The following NALCN variants were observed in gnomAD, a reference collection of about 807,000 sequenced individuals.
NALCN encodes the protein sodium leak channel, non-selective.
Under a neutral mutation model 225.3 loss-of-function variants are expected in NALCN, and 111 were observed. The observed-to-expected ratio is 0.49, with a 90% CI of 0.42 to 0.58. The LOEUF (loss-of-function observed/expected upper bound fraction) is 0.58, where lower values mean the gene tolerates loss of function less well. Ranked by LOEUF, NALCN falls within the 20% of genes least tolerant of loss-of-function variation. The pLI, the probability that NALCN is intolerant of heterozygous loss-of-function variation, is 0.00. For synonymous variants in NALCN, 764 were observed against 769.0 expected (o/e 0.99, Z 0.11); for missense variants, 1,378 against 2,202.4 (o/e 0.63, Z 7.49).
At chr13:101,222,784 C>T (rs971021163) in intron 13 of NALCN, among the ~76,000 whole-genome samples, 1 of 152,244 alleles carries the variant, frequency 6.6e-6, no homozygotes, top group Non-Finnish European at 1.5e-5. Context: ...TTGGAGGGAG[C>T]GGGGCTATCT....
chr13:101,201,216 T>A (rs547267827), intron 13 of NALCN, among the ~76,000 whole-genome samples: 43 of 152,334 alleles, frequency 2.8e-4, no homozygotes, highest in African/African-American at 1.0e-3. Flanking sequence ...AAGTTCACCT[T>A]TTAAAGTGTA....
At chr13:101,339,974 A>G (rs1247205108) in intron 7 of NALCN, among the ~76,000 whole-genome samples, 1 of 152,184 alleles carries the variant, frequency 6.6e-6, no homozygotes, top group East Asian at 1.9e-4. Context: ...CAAGGTTAAG[A>G]ACACCGTGCC....
chr13:101,344,762 C>T (rs1211314466), intron 7 of NALCN, among the ~76,000 whole-genome samples: 2 of 152,166 alleles, frequency 1.3e-5, no homozygotes, highest in Admixed American at 1.3e-4. Context: ...AAGCATTTCC[C>T]ATACATTTAT....
chr13:101,375,154 C>T (rs1420428747), intron 6 of NALCN, among the ~76,000 whole-genome samples: 2 of 152,022 alleles, frequency 1.3e-5, no homozygotes, highest in Non-Finnish European at 2.9e-5. Flanking sequence ...TACACTTATG[C>T]CTACCACCTC....
intron 3 of NALCN, among the ~76,000 whole-genome samples, chr13:101,384,452 A>T (rs2046932329): frequency 6.6e-6 from 1 of 152,120 alleles, no homozygotes; most frequent in Non-Finnish European, 1.5e-5. Context: ...AACAAGCAGA[A>T]AAAGGAAACA....
At chr13:101,227,386 C>G (rs1338974642) in intron 13 of NALCN, among the ~76,000 whole-genome samples, 2 of 152,032 alleles carry the variant, frequency 1.3e-5, no homozygotes, top group African/African-American at 4.8e-5. Context: ...GCCAGACACA[C>G]CTGAATGTGT....
intron 7 of NALCN, among the ~76,000 whole-genome samples, chr13:101,321,704 C>T (rs544291907): frequency 2.6e-5 from 4 of 152,064 alleles, no homozygotes; most frequent in Admixed American, 6.5e-5. Context: ...CACTAAATTA[C>T]CTGGAGTAGG....
chr13:101,191,462 T>C (rs1277822060), intron 14 of NALCN, among the ~76,000 whole-genome samples: 3 of 152,138 alleles, frequency 2.0e-5, no homozygotes, highest in Non-Finnish European at 2.9e-5. Flanking sequence ...ACAAAACCAC[T>C]GTGCTGATTT....
At chr13:101,211,081 C>T (rs554165546) in intron 13 of NALCN, among the ~76,000 whole-genome samples, 1 of 152,142 alleles carries the variant, frequency 6.6e-6, no homozygotes, top group South Asian at 2.1e-4. Flanking sequence ...CAAGAATCCA[C>T]AAAATATTTA....
intron 10 of NALCN, among the ~76,000 whole-genome samples, chr13:101,259,765 A>AAT (rs10622708): frequency 0.48 from 54,220 of 111,896 alleles, 10,762 homozygotes; most frequent in East Asian, 0.6. Flanking sequence ...CACACACATA[A>AAT]ATATATATAT....
chr13:101,105,643 C>T lies in NALCN; in HGVS notation c.2580-693G>A, dbSNP rs536097701. The stretch of plus-strand genomic sequence containing the variant: ...ACAGGATAATTCAAGATAAAAAAAA[C>T]GTACTTCAAGAACTGATCAAATCAA... On this transcript the variant is annotated intron_variant, in intron 22 of 43. Transcript: ENST00000251127. 1.3e-3 allele frequency among the ~76,000 whole-genome samples: 188 copies of T among 147,238 alleles called. 1 individual carries two copies. Among genetic ancestry groups the T allele is most frequent in the Non-Finnish European group, 2.5e-3 (164 of 66,164 alleles).
Position 101,103,332 on chromosome 13 carries a change from A to G in NALCN, c.2897T>C (p.Leu966Ser), listed in dbSNP as rs1468010904. ...VMDIFIYLVSLIFLCWMPQNV... is the reference protein window; with the variant it reads ...VMDIFIYLVSSIFLCWMPQNV... ...TTGAGGCATCCAACAAAGAAATATC[A>G]AGCTCACCTAAAGGGGAACAAATGA... The change falls in exon 26 of 44, where the codon TTG becomes TCG. Residue 966 changes from leucine (L) to serine (S), a missense_variant. Leu to Ser is a moderately radical substitution (Grantham distance 145). Transcript: ENST00000251127. 6 of 1,610,342 alleles carry G rather than the reference A, an allele frequency of 3.7e-6. No homozygotes were observed. The highest frequency in any genetic ancestry group is 1.3e-5 in the African/African-American group (1 of 74,682).
intron 15 of NALCN, among the ~76,000 whole-genome samples, chr13:101,157,988 T>C (rs978632972): frequency 2.6e-5 from 4 of 152,126 alleles, no homozygotes; most frequent in African/African-American, 9.7e-5. Context: ...CTTGACCTTG[T>C]GATCCACCCA....
intron 18 of NALCN, among the ~76,000 whole-genome samples, chr13:101,112,196 A>C (rs753052116): frequency 1.1e-5 from 1 of 94,320 alleles, no homozygotes; most frequent in Non-Finnish European, 2.3e-5. Flanking sequence ...ACCACAGTTC[A>C]AAAAAAAAAA....
chr13:101,084,751 T>C (rs761913469), intron 30 of NALCN, among the ~76,000 whole-genome samples: 3 of 152,210 alleles, frequency 2.0e-5, no homozygotes, highest in Non-Finnish European at 4.4e-5. Context: ...CTATAACCAA[T>C]GCTGCAATAA....
At chr13:101,266,487 A>T (rs2042601756) in intron 10 of NALCN, among the ~76,000 whole-genome samples, 1 of 152,218 alleles carries the variant, frequency 6.6e-6, no homozygotes, top group Non-Finnish European at 1.5e-5. Flanking sequence ...GAGACAAAAT[A>T]GTGGTCTCAG....
chr13:101,360,875 C>A (rs1055674895), intron 6 of NALCN, among the ~76,000 whole-genome samples: 2 of 152,156 alleles, frequency 1.3e-5, no homozygotes, highest in African/African-American at 4.8e-5. Flanking sequence ...TACCCTTGGG[C>A]AGGGCAGTAA....
At chr13:101,194,382 C>A (rs556921766) in intron 13 of NALCN, among the ~76,000 whole-genome samples, 1 of 152,194 alleles carries the variant, frequency 6.6e-6, no homozygotes, top group Admixed American at 6.5e-5. Flanking sequence ...AATGAATAAA[C>A]CAATGAAAGG....
intron 28 of NALCN, among the ~76,000 whole-genome samples, chr13:101,091,762 T>C (rs1276023075): frequency 6.6e-6 from 1 of 152,154 alleles, no homozygotes. Context: ...GTGTTGGACT[T>C]CCTTACCTGC....
Sources: allele counts gnomAD v4.1 joint callset (sites outside exome capture counted in the v4.1 genomes callset), GRCh38; gene constraint gnomAD v4.1.1; transcripts MANE v1.5; gene names NCBI Gene and HGNC (gene_info 2026-07-23, HGNC 2026-07-21).